SFT2D1: variants seen among roughly 807,000 people sequenced by gnomAD.
SFT2D1 encodes vesicle transport protein SFT2A.
A neutral mutation model predicts 28.1 loss-of-function variants in SFT2D1; 24 were observed. That is an observed-to-expected ratio of 0.85 (90% CI 0.62 to 1.20). The LOEUF (loss-of-function observed/expected upper bound fraction) is 1.20. Ranked by LOEUF, SFT2D1 falls within the 50% of genes most tolerant of loss-of-function variation. SFT2D1 has a pLI of 0.00. For synonymous variants in SFT2D1, 82 were observed against 73.7 expected, an observed-to-expected ratio of 1.11 and a Z score of -0.58; for missense variants, 181 against 190.9, an observed-to-expected ratio of 0.95 and a Z score of 0.31.
intron 3 of SFT2D1, among the ~76,000 whole-genome samples, chr6:166,328,722 T>C (rs1778497248): frequency 6.6e-6 from 1 of 152,214 alleles, no homozygotes; most frequent in Non-Finnish European, 1.5e-5. Context: ...GGGGGATGCA[T>C]CTATCAGCAG....
At chr6:166,325,237 A>G (rs1373619975) in intron 5 of SFT2D1, among the ~76,000 whole-genome samples, 2 of 152,158 alleles carry the variant, frequency 1.3e-5, no homozygotes, top group African/African-American at 4.8e-5. Context: ...ACGTAAATCA[A>G]TCTCATATAA....
chr6:166,333,267 C>T (rs1778584054), intron 1 of SFT2D1, among the ~76,000 whole-genome samples: 1 of 152,300 alleles, frequency 6.6e-6, no homozygotes, highest in Admixed American at 6.5e-5. Flanking sequence ...CTCTTGATCG[C>T]GGGGCCTATC....
At chr6:166,336,066 T>C (rs1378369735) in intron 1 of SFT2D1, among the ~76,000 whole-genome samples, 6 of 152,276 alleles carry the variant, frequency 3.9e-5, no homozygotes, top group African/African-American at 1.4e-4. Flanking sequence ...TGTAATAGTC[T>C]GATCATGAGA....
chr6:166,322,604 A>T (rs1223344026), intron 7 of SFT2D1, among the ~76,000 whole-genome samples: 2 of 151,008 alleles, frequency 1.3e-5, no homozygotes, highest in African/African-American at 4.9e-5. Context: ...GAGGCAGGGG[A>T]ATCTTGAACC....
chr6:166,331,695 T>G (rs1778554883), intron 1 of SFT2D1, among the ~76,000 whole-genome samples: 1 of 152,180 alleles, frequency 6.6e-6, no homozygotes, highest in African/African-American at 2.4e-5. Flanking sequence ...GTAAATGATC[T>G]GTTAAAAAAA....
Position 166,326,612 on chromosome 6 carries a change from T to C in SFT2D1, c.316-445A>G, listed in dbSNP as rs1354147525. On this transcript the variant is annotated intron_variant, in intron 4 of 7. Coordinates refer to ENST00000361731, the MANE Select transcript of SFT2D1 (RefSeq NM_145169.3). ...CCTACCTACCTGCTTTAAAGGGCTG[T>C]TGTAATGAATAAGGTAGAGTGCATC... 2.6e-5 allele frequency among the ~76,000 whole-genome samples: 4 copies of C among 152,316 alleles called. No individual in the cohort carries two copies. The East Asian group carries it at 5.8e-4, about 22-fold the overall frequency.
chr6:166,324,658 A>G (rs1204716232), intron 5 of SFT2D1, 63 bp from the exon 6 acceptor site: 6 of 1,467,106 alleles, frequency 4.1e-6, no homozygotes, highest in Non-Finnish European at 5.6e-6. Flanking sequence ...TTTCTCAATC[A>G]AACTTAATTC....
At position 166,320,138 on chromosome 6, in the gene SFT2D1, G is replaced by A; in HGVS notation, c.*79C>T. The A allele has an allele frequency of 1.5e-6, 2 of 1,345,056 alleles. No individual in the cohort carries two copies. The highest frequency in any genetic ancestry group is 3.6e-5 in the Admixed American group (2 of 55,078). 83.3% of individuals were successfully genotyped at this position (1,345,056 alleles called of 1,614,324 possible). Reference sequence around the variant, plus strand: ...AACTGTCACGTCAGTTGTTCCTGGAGTGTTTTATGGGGAAAAGCAAACTTC... The same window carrying A: ...AACTGTCACGTCAGTTGTTCCTGGAATGTTTTATGGGGAAAAGCAAACTTC... On this transcript the variant is annotated 3_prime_UTR_variant, in exon 8 of 8. Transcript: ENST00000361731.
Position 166,320,037 on chromosome 6 carries a change from AC to A in SFT2D1, c.*179del, listed in dbSNP as rs1778319724. On this transcript the variant is annotated 3_prime_UTR_variant, in exon 8 of 8. Transcript: ENST00000361731. ...AATGACACATAATGAATTTAAAGTT[AC>A]AAGCATTTAATGGTTTAATCAAGCA... The A allele has an allele frequency of 3.5e-6, 2 of 570,900 alleles. No homozygotes were observed. Among genetic ancestry groups the A allele is most frequent in the Non-Finnish European group, 6.2e-6 (2 of 321,838 alleles). 35.4% of individuals were successfully genotyped at this position (570,900 alleles called of 1,614,324 possible). A position where few individuals can be genotyped will look rare whatever the true frequency, so the allele number is the denominator to read the frequency against.
chr6:166,323,002 C>G, intron 6 of SFT2D1, 116 bp from the exon 7 acceptor site: 4 of 788,232 alleles, frequency 5.1e-6, no homozygotes, highest in East Asian at 2.6e-5. Flanking sequence ...TACAGTGGTT[C>G]TCAAAGTGTG....
At chr6:166,320,371 A>C in intron 7 of SFT2D1, 115 bp from the exon 8 acceptor site, 1 of 726,000 alleles carries the variant, frequency 1.4e-6, no homozygotes, top group Non-Finnish European at 2.3e-6. Flanking sequence ...GCTCCAACAC[A>C]CTTTTTGATT....
intron 4 of SFT2D1, among the ~76,000 whole-genome samples, chr6:166,327,071 G>C (rs1778458353): frequency 6.6e-6 from 1 of 152,078 alleles, no homozygotes; most frequent in Non-Finnish European, 1.5e-5. Context: ...AGCTAAAAAT[G>C]AGTTTTTACT....
chr6:166,336,539 G>C (rs1383429560), intron 1 of SFT2D1, among the ~76,000 whole-genome samples: 1 of 152,120 alleles, frequency 6.6e-6, no homozygotes, highest in Non-Finnish European at 1.5e-5. Flanking sequence ...CTAGAGACTG[G>C]AAGTCCATGA....
intron 5 of SFT2D1, among the ~76,000 whole-genome samples, chr6:166,325,435 A>G (rs1778426159): frequency 6.6e-6 from 1 of 152,246 alleles, no homozygotes; most frequent in African/African-American, 2.4e-5. Context: ...CAGGAGATCA[A>G]GAAGTAAACG....
rs572555618 is a variant in SFT2D1 at position 166,320,030 on chromosome 6, T to C, written c.*187A>G. ...GTATATTAATGACACATAATGAATT[T>C]AAAGTTACAAGCATTTAATGGTTTA... On this transcript the variant is annotated 3_prime_UTR_variant, in exon 8 of 8. Transcript: ENST00000361731. The C allele has an allele frequency of 8.7e-5, 49 of 561,056 alleles. No homozygotes were observed. In the South Asian group the frequency reaches 1.0e-3, roughly 12 times the overall value. 34.8% of individuals were successfully genotyped at this position (561,056 alleles called of 1,614,324 possible).
intron 1 of SFT2D1, chr6:166,331,508 C>T (rs1172491497): frequency 6.6e-6 from 1 of 152,590 alleles, no homozygotes; most frequent in East Asian, 1.9e-4. Flanking sequence ...TTTTAATTCA[C>T]ATTCTTGTTT....
At position 166,322,072 on chromosome 6, in the gene SFT2D1, G is replaced by A. The variant is rs575266257; in HGVS notation, c.440+785C>T. ...TAATTTTGTATTTTTTAGTAGAAAC[G>A]AGGTTTTGCCATGTTGGCCAGGCTG... On this transcript the variant is annotated intron_variant, in intron 7 of 7. Transcript: ENST00000361731. 5.9e-5 allele frequency among the ~76,000 whole-genome samples: 9 copies of A among 152,242 alleles called. No homozygotes were observed. The South Asian group carries it at 1.9e-3, about 32-fold the overall frequency.
At chr6:166,326,255 T>C (rs994739096) in intron 4 of SFT2D1, 88 bp from the exon 5 acceptor site, 56 of 1,087,454 alleles carry the variant, frequency 5.1e-5, no homozygotes, top group Non-Finnish European at 7.3e-5. Flanking sequence ...TTCATTTACA[T>C]AGGGAATATA....
Position 166,342,531 on chromosome 6 carries a change from C to T in SFT2D1, c.-50G>A. On this transcript the variant is annotated 5_prime_UTR_variant, in exon 1 of 8. Transcript: ENST00000361731. The stretch of plus-strand genomic sequence containing the variant: ...CCGCCACTCTGTTGCCTGCCCCTGA[C>T]GCCCACCAGGAAACCCCGAACCCGA... 6.8e-7 allele frequency: 1 copy of T among 1,467,386 alleles called. No homozygotes were observed. The highest frequency in any genetic ancestry group is 1.4e-5 in the African/African-American group (1 of 71,488). 90.9% of individuals were successfully genotyped at this position (1,467,386 alleles called of 1,614,324 possible).
Sources: gnomAD v4.1 joint callset for allele counts (sites outside exome capture counted in the v4.1 genomes callset) on GRCh38, gnomAD v4.1.1 for gene constraint, MANE v1.5 for transcripts, NCBI Gene and HGNC (gene_info 2026-07-23, HGNC 2026-07-21) for gene names.